Variants in SRGAP1 observed in about 807,000 individuals in gnomAD.
SRGAP1 encodes the protein SLIT-ROBO Rho GTPase activating protein 1.
SRGAP1 carries 43 observed loss-of-function variants against 121.9 expected under a neutral mutation model. The ratio of observed to expected loss-of-function variants is 0.35; its 90% CI spans 0.28 to 0.46. The LOEUF is 0.46. Among genes scored for constraint, SRGAP1 ranks in the 20% least tolerant of loss-of-function variants. The pLI is 1.00. For synonymous variants in SRGAP1, 447 were observed against 485.4 expected (o/e 0.92, Z 1.04); for missense variants, 1,102 against 1,350.9 (o/e 0.82, Z 2.89).
chr12:64,070,504 C>A (rs895904371), intron 8 of SRGAP1, among the ~76,000 whole-genome samples: 1 of 152,172 alleles, frequency 6.6e-6, no homozygotes, highest in Admixed American at 6.5e-5. Context: ...AACAACTAGT[C>A]TCTCTCAAAT....
chr12:64,001,794 G>A (rs2033908477), intron 3 of SRGAP1, among the ~76,000 whole-genome samples: 1 of 152,168 alleles, frequency 6.6e-6, no homozygotes, highest in African/African-American at 2.4e-5. Context: ...TGGATGTTTT[G>A]TTCCACAGCA....
chr12:63,911,789 G>A (rs2030514608), intron 1 of SRGAP1, among the ~76,000 whole-genome samples: 1 of 152,110 alleles, frequency 6.6e-6, no homozygotes. Context: ...GTCTCATTCC[G>A]GTTTCCCCTC....
chr12:64,055,452 C>T (rs1274613991), intron 6 of SRGAP1, among the ~76,000 whole-genome samples: 3 of 151,732 alleles, frequency 2.0e-5, no homozygotes, highest in South Asian at 4.2e-4. Context: ...AGATTCAATG[C>T]CATCCCCATA....
At chr12:63,925,415 T>C (rs2031221608) in intron 1 of SRGAP1, among the ~76,000 whole-genome samples, 1 of 152,140 alleles carries the variant, frequency 6.6e-6, no homozygotes, top group African/African-American at 2.4e-5. Flanking sequence ...TTGTTAATAG[T>C]TGTGTATATT....
At position 63,950,157 on chromosome 12, in the gene SRGAP1, A is replaced by T. The variant is rs150954146; in HGVS notation, c.68-33790A>T. On this transcript the variant is annotated intron_variant, in intron 1 of 21. Coordinates refer to ENST00000355086, the MANE Select transcript of SRGAP1 (RefSeq NM_020762.4). ...AATGTGAATAAACTTATTGAAAGAC[A>T]TATCTTCTCAAAGAAGGAGAGGAAT... Among the ~76,000 whole-genome samples the T allele has an allele frequency of 4.7e-3, 716 of 152,312 alleles. 1 individual carries two copies. The highest frequency in any genetic ancestry group is 8.8e-3 in the Non-Finnish European group (601 of 68,022).
intron 1 of SRGAP1, among the ~76,000 whole-genome samples, chr12:63,912,160 A>G (rs189787424): frequency 5.1e-4 from 78 of 152,262 alleles, no homozygotes; most frequent in Non-Finnish European, 8.4e-4. Context: ...TTGATCATCT[A>G]CTGTTTGCCA....
At chr12:63,920,498 A>G (rs1018374152) in intron 1 of SRGAP1, among the ~76,000 whole-genome samples, 3 of 152,192 alleles carry the variant, frequency 2.0e-5, no homozygotes, top group Non-Finnish European at 4.4e-5. Context: ...TGTACTTTAG[A>G]CTTGATATGA....
At chr12:63,881,862 C>T (rs1178931892) in intron 1 of SRGAP1, among the ~76,000 whole-genome samples, 1 of 152,046 alleles carries the variant, frequency 6.6e-6, no homozygotes, top group Non-Finnish European at 1.5e-5. Flanking sequence ...TTAGCTTTAA[C>T]TTTTAAACAC....
At chr12:64,023,135 A>G (rs1172742666) in intron 4 of SRGAP1, among the ~76,000 whole-genome samples, 1 of 149,150 alleles carries the variant, frequency 6.7e-6, no homozygotes, top group Non-Finnish European at 1.5e-5. Flanking sequence ...AATGATTTTA[A>G]CAGTAATTAC....
intron 4 of SRGAP1, among the ~76,000 whole-genome samples, chr12:64,023,980 G>A (rs896815408): frequency 3.3e-5 from 5 of 152,170 alleles, no homozygotes; most frequent in African/African-American, 9.7e-5. Context: ...GATGTGCAGA[G>A]GAGGTGGTAG....
At chr12:64,137,588 TACC>T (rs2036875875) in intron 21 of SRGAP1, among the ~76,000 whole-genome samples, 1 of 152,216 alleles carries the variant, frequency 6.6e-6, no homozygotes, top group Non-Finnish European at 1.5e-5. Flanking sequence ...TTCAAAAGAC[TACC>T]ACATCCATAC....
At chr12:63,851,617 T>G (rs142261976) in intron 1 of SRGAP1, among the ~76,000 whole-genome samples, 3,996 of 151,120 alleles carry the variant, frequency 0.026, 204 homozygotes, top group African/African-American at 0.09. Flanking sequence ...AGACCGAGTC[T>G]TGCTCTGTCA....
In SRGAP1 at chr12:63,911,216, G is replaced by A. The variant is rs568527914; in HGVS notation, c.67+66333G>A. 3.4e-4 allele frequency among the ~76,000 whole-genome samples: 51 copies of A among 150,342 alleles called. No individual in the cohort carries two copies. In the South Asian group the frequency reaches 4.2e-3, roughly 12 times the overall value. The stretch of plus-strand genomic sequence containing the variant: ...CAGGAGGCTGAGGCAGGAGAATGGC[G>A]TGAACCCAGGAGGCGGAGCTTGCAG... On this transcript the variant is annotated intron_variant, in intron 1 of 21. Transcript: ENST00000355086.
chr12:64,157,329 C>T lies in SRGAP1; in HGVS notation c.*14657C>T, dbSNP rs570119373. ...CTGCTGTAACAAACAACCCCCCAAA[C>T]TCAGTAACACAATCAAGCTGTATTT... On this transcript the variant is annotated 3_prime_UTR_variant, in exon 22 of 22. Coordinates refer to ENST00000355086, the MANE Select transcript of SRGAP1 (RefSeq NM_020762.4). 1 of 152,246 alleles carries T rather than the reference C, an allele frequency of 6.6e-6. No homozygotes were observed. The highest frequency in any genetic ancestry group is 2.4e-5 in the African/African-American group (1 of 41,526). The allele number at this position is 152,246 out of a possible 1,614,324, so 9.4% of individuals were successfully genotyped here.
At position 63,844,769 on chromosome 12, in the gene SRGAP1, C is replaced by T; in HGVS notation, c.-48C>T. ...CTCTCCAAGGAGAACGGGTTGTGAC[C>T]ACTGAACAAAACTTGCCCATTGAAA... On this transcript the variant is annotated 5_prime_UTR_variant, in exon 1 of 22. Coordinates refer to ENST00000355086, the MANE Select transcript of SRGAP1 (RefSeq NM_020762.4). The surrounding 1 kb of genome is among the most constrained non-coding windows in gnomAD (Gnocchi z 4.3). 6.3e-7 allele frequency: 1 copy of T among 1,591,042 alleles called. No individual in the cohort carries two copies. The highest frequency in any genetic ancestry group is 1.1e-5 in the South Asian group (1 of 90,620).
At position 63,993,105 on chromosome 12, in the gene SRGAP1, C is replaced by T. The variant is rs2136422248; in HGVS notation, c.426+3033C>T. 2.0e-5 allele frequency among the ~76,000 whole-genome samples: 3 copies of T among 152,238 alleles called. No individual in the cohort carries two copies. The East Asian group carries it at 5.8e-4, about 29-fold the overall frequency. On this transcript the variant is annotated intron_variant, in intron 3 of 21. Transcript: ENST00000355086. ...GTTTACGGAGGAGTAAGATCAACCC[C>T]TAGGACACATTTGTCATCTGAAAGA...
At chr12:64,101,067 T>C (rs73321318) in intron 15 of SRGAP1, among the ~76,000 whole-genome samples, 13,450 of 152,142 alleles carry the variant, frequency 0.088, 1,326 homozygotes, top group African/African-American at 0.25. Context: ...AGTTAATATA[T>C]GATAGAAACA....
chr12:64,085,305 TA>T (rs1327528854), intron 10 of SRGAP1, among the ~76,000 whole-genome samples: 12 of 152,180 alleles, frequency 7.9e-5, no homozygotes, highest in Non-Finnish European at 1.8e-4. Context: ...TAATAAATAT[TA>T]GACATCATTG....
intron 14 of SRGAP1, among the ~76,000 whole-genome samples, chr12:64,096,752 GA>G (rs2036162391): frequency 6.6e-6 from 1 of 152,158 alleles, no homozygotes; most frequent in Admixed American, 6.5e-5. Flanking sequence ...GCCACTTTGG[GA>G]AATACCTACT....
Sources: gnomAD v4.1 joint callset for allele counts (sites outside exome capture counted in the v4.1 genomes callset) on GRCh38, gnomAD v4.1.1 for gene constraint, Gnocchi (gnomAD v3.1) non-coding constraint, MANE v1.5 for transcripts, NCBI Gene and HGNC (gene_info 2026-07-23, HGNC 2026-07-21) for gene names.